PLXNC1: variants seen among roughly 807,000 people sequenced by gnomAD.
PLXNC1 encodes the protein plexin-C1.
Under a neutral mutation model 178.2 loss-of-function variants are expected in PLXNC1, and 75 were observed. The ratio of observed to expected loss-of-function variants is 0.42; its 90% confidence interval spans 0.35 to 0.51. The LOEUF is 0.51. Ranked by LOEUF, PLXNC1 falls within the 20% of genes least tolerant of loss-of-function variation. The pLI, the probability that PLXNC1 is intolerant of heterozygous loss-of-function variation, is 0.02. For missense variants in PLXNC1, 1,503 were observed against 1,984.4 expected (o/e 0.76, Z 4.61); for synonymous variants, 790 against 779.9 (o/e 1.01, Z -0.22).
intron 6 of PLXNC1, among the ~76,000 whole-genome samples, chr12:94,221,091 G>T (rs1223978203): frequency 6.6e-6 from 1 of 152,232 alleles, no homozygotes; most frequent in East Asian, 1.9e-4. Flanking sequence ...AGCACAATCA[G>T]ATTTTTATTA....
At chr12:94,248,191 G>A (rs1565829356) in intron 13 of PLXNC1, 36 bp from the exon 14 acceptor site, 3 of 1,597,186 alleles carry the variant, frequency 1.9e-6, no homozygotes, top group East Asian at 2.2e-5. Context: ...TTCTACATGT[G>A]CTCTGATTTC....
rs1969033282 is a variant in PLXNC1, at chr12:94,306,497, C to CTCATGACCAGTTTTAATACCA, written c.*1213_*1233dup. 6.6e-6 allele frequency: 1 copy of CTCATGACCAGTTTTAATACCA among 152,106 alleles called. No homozygotes were observed. Among genetic ancestry groups the CTCATGACCAGTTTTAATACCA allele is most frequent in the Non-Finnish European group, 1.5e-5 (1 of 68,028 alleles). 9.4% of individuals were successfully genotyped at this position (152,106 alleles called of 1,614,324 possible). A position where few individuals can be genotyped will look rare whatever the true frequency, so the allele number is the denominator to read the frequency against. On this transcript the variant is annotated 3_prime_UTR_variant, in exon 31 of 31. Transcript: ENST00000258526. ...TTTTTTAATTCCTGAATTTTTGCTG[C>CTCATGACCAGTTTTAATACCA]TCATGACCAGTTTTAATACCACTGT... is the stretch of plus-strand genomic sequence containing the variant.
At chr12:94,287,270 G>A (rs576643760) in intron 23 of PLXNC1, among the ~76,000 whole-genome samples, 15 of 152,282 alleles carry the variant, frequency 9.9e-5, no homozygotes, top group Non-Finnish European at 1.6e-4. Context: ...CTCCCGGTGC[G>A]CTTCCTTAAC....
intron 28 of PLXNC1, among the ~76,000 whole-genome samples, chr12:94,302,393 T>C (rs192520398): frequency 2.0e-5 from 3 of 148,600 alleles, no homozygotes; most frequent in Admixed American, 2.0e-4. Flanking sequence ...TCGACAAATA[T>C]GATTTCCTAA....
chr12:94,296,474 A>G (rs1205541228), intron 24 of PLXNC1, among the ~76,000 whole-genome samples: 2 of 152,124 alleles, frequency 1.3e-5, no homozygotes, highest in Non-Finnish European at 2.9e-5. Flanking sequence ...CTTTAAAACA[A>G]ACAAACCAAA....
At chr12:94,267,462 A>C (rs927959880) in intron 21 of PLXNC1, among the ~76,000 whole-genome samples, 3 of 152,198 alleles carry the variant, frequency 2.0e-5, no homozygotes, top group Non-Finnish European at 2.9e-5. Context: ...CGACTCTTGA[A>C]ATTTTTTTTT....
chr12:94,266,336 G>A (rs918881689), intron 21 of PLXNC1, among the ~76,000 whole-genome samples: 3 of 152,142 alleles, frequency 2.0e-5, no homozygotes, highest in Admixed American at 1.3e-4. Context: ...ATCCGAGAGC[G>A]GGAAGCTGAG....
intron 14 of PLXNC1, among the ~76,000 whole-genome samples, chr12:94,248,720 A>G (rs1964598947): frequency 6.6e-6 from 1 of 152,192 alleles, no homozygotes; most frequent in Non-Finnish European, 1.5e-5. Context: ...CTCTAGACCC[A>G]TTGACAAATG....
In PLXNC1 at chr12:94,196,444, C is replaced by T. The variant is rs535431692; in HGVS notation, c.1439+9971C>T. On this transcript the variant is annotated intron_variant, in intron 4 of 30. Coordinates refer to ENST00000258526, the MANE Select transcript of PLXNC1 (RefSeq NM_005761.3). ...CCGTGTGACACACCTGTTCTCCCTTCGCTTCCAGCATGATTGGAAGCTTCC... is the reference window on the plus strand; with the variant it reads ...CCGTGTGACACACCTGTTCTCCCTTTGCTTCCAGCATGATTGGAAGCTTCC... Among the ~76,000 whole-genome samples the T allele has an allele frequency of 3.3e-5, 5 of 152,304 alleles. No individual in the cohort carries two copies. In the East Asian group the frequency reaches 9.7e-4, roughly 29 times the overall value.
At chr12:94,295,357 C>G (rs1446052770) in intron 24 of PLXNC1, among the ~76,000 whole-genome samples, 1 of 152,226 alleles carries the variant, frequency 6.6e-6, no homozygotes, top group African/African-American at 2.4e-5. Flanking sequence ...CTATATGGGG[C>G]TGTGGTGAAG....
intron 23 of PLXNC1, among the ~76,000 whole-genome samples, chr12:94,292,175 C>T (rs1209658376): frequency 6.6e-6 from 1 of 152,078 alleles, no homozygotes; most frequent in Non-Finnish European, 1.5e-5. Flanking sequence ...CTTATACTGA[C>T]CCTCAAAATC....
chr12:94,224,382 C>T lies in PLXNC1; in HGVS notation c.1790+67C>T, dbSNP rs1340136616. ...TAATTTACTTATTTGTTTGACTCCTCGATTTCCTAAAGAACTCTTTTGTGA... is the reference window on the plus strand; with the variant it reads ...TAATTTACTTATTTGTTTGACTCCTTGATTTCCTAAAGAACTCTTTTGTGA... On this transcript the variant is annotated intron_variant, in intron 7 of 30. Coordinates refer to ENST00000258526, the MANE Select transcript of PLXNC1 (RefSeq NM_005761.3). The T allele has an allele frequency of 1.6e-5, 15 of 916,806 alleles. No individual in the cohort carries two copies. In the East Asian group the frequency reaches 2.6e-4, roughly 16 times the overall value. The allele number at this position is 916,806 out of a possible 1,614,324, so 56.8% of individuals were successfully genotyped here.
intron 15 of PLXNC1, among the ~76,000 whole-genome samples, chr12:94,252,874 A>T (rs183953630): frequency 5.9e-5 from 9 of 152,068 alleles, no homozygotes. Context: ...TTTGAAGTCT[A>T]TTTTCTCTCA....
chr12:94,196,986 C>T (rs1000729055), intron 4 of PLXNC1, among the ~76,000 whole-genome samples: 1 of 152,208 alleles, frequency 6.6e-6, no homozygotes, highest in Non-Finnish European at 1.5e-5. Context: ...GTGGGTTTCA[C>T]TGGGCTGAAA....
At chr12:94,206,054 T>A (rs954977350) in intron 4 of PLXNC1, among the ~76,000 whole-genome samples, 2 of 152,236 alleles carry the variant, frequency 1.3e-5, no homozygotes, top group African/African-American at 2.4e-5. Flanking sequence ...CTCCCATCAG[T>A]GCCTGGCACA....
At chr12:94,216,574 A>G (rs141868309) in intron 5 of PLXNC1, among the ~76,000 whole-genome samples, 112 of 152,362 alleles carry the variant, frequency 7.4e-4, no homozygotes, top group Middle Eastern at 3.4e-3. Context: ...ATTTGGCAGC[A>G]TGTTTCAAAA....
intron 15 of PLXNC1, chr12:94,254,479 G>C: frequency 1.9e-6 from 1 of 521,312 alleles, no homozygotes; most frequent in Non-Finnish European, 3.7e-6. Context: ...TTACGTTTCA[G>C]CCAACTGGGA....
intron 4 of PLXNC1, among the ~76,000 whole-genome samples, chr12:94,191,780 A>AAG (rs397815580): frequency 1.3e-5 from 2 of 151,578 alleles, no homozygotes; most frequent in Non-Finnish European, 2.9e-5. Context: ...AAAAAAAAAA[A>AAG]GGGAATAGGC....
intron 20 of PLXNC1, among the ~76,000 whole-genome samples, chr12:94,261,290 G>A (rs1964982705): frequency 6.6e-6 from 1 of 152,214 alleles, no homozygotes; most frequent in South Asian, 2.1e-4. Flanking sequence ...CCAAAGAGCT[G>A]CCTCCCCCTG....
Sources: gnomAD v4.1 joint callset for allele counts (sites outside exome capture counted in the v4.1 genomes callset) on GRCh38, gnomAD v4.1.1 for gene constraint, MANE v1.5 for transcripts, NCBI Gene and HGNC (gene_info 2026-07-23, HGNC 2026-07-21) for gene names.